Variants in NHSL1 observed in about 807,000 individuals in gnomAD.
The protein encoded by NHSL1 is NHS like 1.
Under a neutral mutation model 95.0 loss-of-function variants are expected in NHSL1, and 48 were observed. The observed-to-expected ratio is 0.51, with a 90% CI of 0.40 to 0.64. The LOEUF (loss-of-function observed/expected upper bound fraction) is 0.64. Ranked by LOEUF, NHSL1 falls within the 30% of genes least tolerant of loss-of-function variation. The pLI is 0.00. For synonymous variants in NHSL1, 783 were observed against 833.9 expected, an observed-to-expected ratio of 0.94 and a Z score of 1.05; for missense variants, 1,971 against 2,077.7, an observed-to-expected ratio of 0.95 and a Z score of 1.00.
intron 1 of NHSL1, among the ~76,000 whole-genome samples, chr6:138,597,091 G>A (rs1784311943): frequency 6.6e-6 from 1 of 152,104 alleles, no homozygotes; most frequent in Non-Finnish European, 1.5e-5. Flanking sequence ...AACCTGGGAG[G>A]CAGAGGCTGC....
intron 3 of NHSL1, among the ~76,000 whole-genome samples, chr6:138,465,110 CAAT>C (rs932233440): frequency 2.5e-4 from 38 of 150,310 alleles, no homozygotes; most frequent in African/African-American, 8.9e-4. Context: ...TCACAGAGTA[CAAT>C]AATACCCTAG....
chr6:138,665,792 T>A lies in NHSL1; in HGVS notation c.96+26684A>T, dbSNP rs183322096. On this transcript the variant is annotated intron_variant, in intron 1 of 3. Transcript: ENST00000491526. ...TTAATTTTTCTAATTAGAGCTATAA[T>A]CCTATCGCCCCTCTAATTAAAAAAA... Among the ~76,000 whole-genome samples, 279 of 152,234 alleles carry A rather than the reference T, an allele frequency of 1.8e-3. 3 individuals are homozygous for A. The highest frequency in any genetic ancestry group is 3.4e-3 in the Middle Eastern group (1 of 294).
intron 1 of NHSL1, among the ~76,000 whole-genome samples, chr6:138,516,552 A>G (rs955843588): frequency 6.6e-6 from 1 of 152,114 alleles, no homozygotes; most frequent in African/African-American, 2.4e-5. Context: ...AAGACCTTAG[A>G]ACTCTCAGTT....
At chr6:138,459,509 C>T (rs1364697397) in intron 3 of NHSL1, among the ~76,000 whole-genome samples, 3 of 152,070 alleles carry the variant, frequency 2.0e-5, no homozygotes, top group African/African-American at 7.2e-5. Context: ...CTTGGATTTA[C>T]CCAAGAAAGA....
chr6:138,623,608 G>T (rs1279167011), intron 1 of NHSL1, among the ~76,000 whole-genome samples: 2 of 152,050 alleles, frequency 1.3e-5, no homozygotes, highest in East Asian at 3.8e-4. Context: ...TTGTACAATA[G>T]CTCTCCTGAA....
At chr6:138,567,506 GGATCTT>G (rs1317126586) in intron 1 of NHSL1, among the ~76,000 whole-genome samples, 2 of 152,092 alleles carry the variant, frequency 1.3e-5, no homozygotes, top group East Asian at 3.8e-4. Context: ...CATGGAAACA[GGATCTT>G]GACTTTTGAC....
upstream of NHSL1, among the ~76,000 whole-genome samples, chr6:138,502,663 T>C (rs1274243341): frequency 1.3e-5 from 2 of 152,142 alleles, no homozygotes; most frequent in Admixed American, 1.3e-4. Context: ...AACTTGACAC[T>C]AATGCATAAT....
chr6:138,633,113 A>T (rs533370205), intron 1 of NHSL1, among the ~76,000 whole-genome samples: 36 of 152,294 alleles, frequency 2.4e-4, no homozygotes, highest in African/African-American at 8.4e-4. Flanking sequence ...CAAGCAGAAA[A>T]AGGAATTAGT....
chr6:138,563,792 T>A (rs1562372862), intron 1 of NHSL1, among the ~76,000 whole-genome samples: 1 of 152,108 alleles, frequency 6.6e-6, no homozygotes, highest in Non-Finnish European at 1.5e-5. Flanking sequence ...GCTATTCAAC[T>A]CCCTGGAGAA....
At chr6:138,678,237 C>T (rs1401602662) in intron 1 of NHSL1, among the ~76,000 whole-genome samples, 3 of 152,152 alleles carry the variant, frequency 2.0e-5, no homozygotes, top group Non-Finnish European at 4.4e-5. Flanking sequence ...CCAGAAATTT[C>T]ATTTGTTCCT....
chr6:138,604,574 CT>C (rs1784409883), intron 1 of NHSL1, among the ~76,000 whole-genome samples: 1 of 152,280 alleles, frequency 6.6e-6, no homozygotes, highest in Non-Finnish European at 1.5e-5. Context: ...CAACAATTAT[CT>C]GGTGAATGAA....
intron 1 of NHSL1, among the ~76,000 whole-genome samples, chr6:138,668,185 C>T (rs1310180333): frequency 5.3e-5 from 8 of 152,162 alleles, no homozygotes; most frequent in East Asian, 1.9e-4. Context: ...CAGTAGCTCA[C>T]GCCTGCAATC....
intron 3 of NHSL1, among the ~76,000 whole-genome samples, chr6:138,461,580 T>C (rs1260192377): frequency 6.6e-6 from 1 of 152,134 alleles, no homozygotes; most frequent in Non-Finnish European, 1.5e-5. Flanking sequence ...AACTATTAAA[T>C]ATTAGATTTG....
chr6:138,429,680 G>C, intron 7 of NHSL1, 31 bp downstream of exon 7: 8 of 1,532,858 alleles, frequency 5.2e-6, no homozygotes, highest in Non-Finnish European at 7.0e-6. Flanking sequence ...TTACACAGTA[G>C]ATTAAAGTCA....
chr6:138,524,441 G>T (rs1781816733), intron 1 of NHSL1, among the ~76,000 whole-genome samples: 1 of 152,106 alleles, frequency 6.6e-6, no homozygotes, highest in African/African-American at 2.4e-5. Flanking sequence ...AATCACCATA[G>T]ATTAGTTTTG....
chr6:138,606,702 C>CTTTTTTTTTTTTTT (rs777156294), intron 1 of NHSL1, among the ~76,000 whole-genome samples: 3 of 123,412 alleles, frequency 2.4e-5, no homozygotes, highest in East Asian at 2.3e-4. Context: ...TTCTTTCTTT[C>CTTTTTTTTTTTTTT]TTTTTTTTTT....
chr6:138,432,891 G>A lies in NHSL1; in HGVS notation c.1454C>T (p.Pro485Leu), dbSNP rs746883296. ...CAGTGCGGGTTCACCAGGGGAATGA[G>A]GGTCTAAGTCCTGTGAAAGAATGGT... The part of the protein sequence containing the change: ...HATILSQDLD[P>L]HSPGEPALLS... The change falls in exon 6 of 8, where the codon CCT (proline) becomes CTT (leucine). Residue 485 changes from proline (P) to leucine (L), a missense_variant. By Grantham distance (98) the Pro-to-Leu change is moderately conservative. Coordinates refer to ENST00000343505, the MANE Select transcript of NHSL1 (RefSeq NM_001144060.2). The surrounding 1 kb of genome is among the most constrained non-coding windows in gnomAD (Gnocchi z 4.4). 8.5e-5 allele frequency: 132 copies of A among 1,551,674 alleles called. No individual in the cohort carries two copies. Among genetic ancestry groups the A allele is most frequent in the African/African-American group, 1.4e-5 (1 of 73,168 alleles).
chr6:138,525,648 C>T (rs190333745), intron 1 of NHSL1, among the ~76,000 whole-genome samples: 6 of 151,970 alleles, frequency 3.9e-5, no homozygotes, highest in South Asian at 4.2e-4. Flanking sequence ...AAAATCAGGA[C>T]GTACTTTGTT....
intron 1 of NHSL1, among the ~76,000 whole-genome samples, chr6:138,591,591 G>T (rs773641491): frequency 4.5e-4 from 68 of 152,026 alleles, no homozygotes; most frequent in Middle Eastern, 6.8e-3. Context: ...TGATTTTTTT[G>T]TTGTTGTTGT....
Sources: gnomAD v4.1 joint callset for allele counts (sites outside exome capture counted in the v4.1 genomes callset) on GRCh38, gnomAD v4.1.1 for gene constraint, Gnocchi (gnomAD v3.1) non-coding constraint, MANE v1.5 for transcripts, NCBI Gene and HGNC (gene_info 2026-07-23, HGNC 2026-07-21) for gene names.